The following GPR107 variants were observed in gnomAD, a reference collection of about 807,000 sequenced individuals.
GPR107 encodes the protein G protein-coupled receptor 107.
Under a neutral mutation model 75.5 loss-of-function variants are expected in GPR107, and 31 were observed. The ratio of observed to expected loss-of-function variants is 0.41; its 90% CI spans 0.31 to 0.55. GPR107 has a LOEUF of 0.55. Ranked by LOEUF, GPR107 falls within the 20% of genes least tolerant of loss-of-function variation. The pLI, the probability that GPR107 is intolerant of heterozygous loss-of-function variation, is 0.26. For missense variants in GPR107, 572 were observed against 665.7 expected, an observed-to-expected ratio of 0.86 and a Z score of 1.55; for synonymous variants, 267 against 251.3, an observed-to-expected ratio of 1.06 and a Z score of -0.59.
intron 17 of GPR107, chr9:130,129,678 G>A (rs1042572061): frequency 2.0e-5 from 3 of 152,322 alleles, no homozygotes; most frequent in African/African-American, 7.2e-5. Context: ...CATCAGCTGT[G>A]CCTTTCCCAG....
chr9:130,086,678 A>G (rs1374383496), intron 7 of GPR107, among the ~76,000 whole-genome samples: 2 of 152,158 alleles, frequency 1.3e-5, no homozygotes, highest in African/African-American at 4.8e-5. Context: ...GAAGTCTCTG[A>G]GAGTGAATAA....
intron 5 of GPR107, among the ~76,000 whole-genome samples, chr9:130,080,475 A>ATTTATTTG: frequency 6.7e-6 from 1 of 148,180 alleles, no homozygotes; most frequent in East Asian, 2.0e-4. Context: ...ATTCCTGTTT[A>ATTTATTTG]TTTATTTATT....
intron 16 of GPR107, among the ~76,000 whole-genome samples, chr9:130,128,012 C>G (rs949262066): frequency 6.6e-6 from 1 of 152,206 alleles, no homozygotes; most frequent in Non-Finnish European, 1.5e-5. Flanking sequence ...CTCCTTCCAT[C>G]TCTTCTGGCC....
chr9:130,125,572 A>G (rs1051351244), intron 15 of GPR107, among the ~76,000 whole-genome samples: 19 of 148,114 alleles, frequency 1.3e-4, no homozygotes, highest in African/African-American at 4.7e-4. Context: ...TGTCTTTCAA[A>G]ATGGGAAATT....
chr9:130,134,055 A>T lies in GPR107; in HGVS notation c.1563-970A>T, dbSNP rs551533598. On this transcript the variant is annotated intron_variant, in intron 17 of 17. Coordinates refer to ENST00000347136, the MANE Select transcript of GPR107 (RefSeq NM_020960.5). ...TCCTTGGAAAGAGCCTGTTGAGTTG[A>T]TTGATTGAATTTATTTTACTGATGA... is the stretch of plus-strand genomic sequence containing the variant. Among the ~76,000 whole-genome samples, 3 of 152,180 alleles carry T rather than the reference A, an allele frequency of 2.0e-5. No homozygotes were observed. In the East Asian group the frequency reaches 5.8e-4, roughly 29 times the overall value.
At chr9:130,079,204 C>G (rs2132566770) in intron 4 of GPR107, among the ~76,000 whole-genome samples, 1 of 152,304 alleles carries the variant, frequency 6.6e-6, no homozygotes, top group Non-Finnish European at 1.5e-5. Context: ...CTCAAGTGAT[C>G]CACCCGCCTC....
intron 1 of GPR107, among the ~76,000 whole-genome samples, chr9:130,062,652 G>GCCTT (rs1470600128): frequency 1.7e-4 from 19 of 110,994 alleles, no homozygotes; most frequent in African/African-American, 3.8e-4. Flanking sequence ...CTGCCTGCCT[G>GCCTT]CCTGCCTGCC....
In GPR107 at chr9:130,114,647, A is replaced by G. The variant is rs754323981; in HGVS notation, c.1306+7108A>G. The stretch of plus-strand genomic sequence containing the variant: ...GCTGTCCTCCTGCCTCAGTCTCCCA[A>G]AGGGCTGGGATTACAGGTGTGAGCC... On this transcript the variant is annotated intron_variant, in intron 14 of 17. Coordinates refer to ENST00000347136, the MANE Select transcript of GPR107 (RefSeq NM_020960.5). 5 of 897,896 alleles carry G rather than the reference A, an allele frequency of 5.6e-6. No individual in the cohort carries two copies. The South Asian group carries it at 6.4e-5, about 11-fold the overall frequency. The allele number at this position is 897,896 out of a possible 1,614,324, so 55.6% of individuals were successfully genotyped here. A position where few individuals can be genotyped will look rare whatever the true frequency, so the allele number is the denominator to read the frequency against.
intron 4 of GPR107, 128 bp from the exon 5 acceptor site, chr9:130,079,502 G>A (rs1209962502): frequency 3.0e-6 from 2 of 674,700 alleles, no homozygotes; most frequent in African/African-American, 3.6e-5. Context: ...GTAGAATGTG[G>A]ATAATAGAAT....
intron 14 of GPR107, chr9:130,114,560 T>G: frequency 2.3e-6 from 1 of 441,098 alleles, no homozygotes; most frequent in Non-Finnish European, 4.5e-6. Flanking sequence ...TTTTTAAAAT[T>G]TTTTTTGTGG....
chr9:130,058,191 GAAC>G (rs971901912), intron 1 of GPR107, among the ~76,000 whole-genome samples: 1 of 152,078 alleles, frequency 6.6e-6, no homozygotes, highest in Non-Finnish European at 1.5e-5. Flanking sequence ...TGCCTTTTAA[GAAC>G]AACTTTATTG....
At chr9:130,057,123 A>T (rs1394555132) in intron 1 of GPR107, among the ~76,000 whole-genome samples, 1 of 151,926 alleles carries the variant, frequency 6.6e-6, no homozygotes, top group Non-Finnish European at 1.5e-5. Flanking sequence ...GAAATAGGGT[A>T]CTTGATCAGA....
intron 6 of GPR107, among the ~76,000 whole-genome samples, chr9:130,085,216 T>C (rs1338283133): frequency 1.3e-5 from 2 of 152,106 alleles, no homozygotes; most frequent in African/African-American, 4.8e-5. Flanking sequence ...AAGGACACAG[T>C]TGTGAGAATA....
At chr9:130,101,719 G>A (rs1204317399) in intron 12 of GPR107, among the ~76,000 whole-genome samples, 3 of 152,248 alleles carry the variant, frequency 2.0e-5, no homozygotes, top group Non-Finnish European at 2.9e-5. Context: ...AAGGCTGTGA[G>A]TCTTTTGCGG....
At chr9:130,134,904 G>A in intron 17 of GPR107, 121 bp from the exon 18 acceptor site, 2 of 697,638 alleles carry the variant, frequency 2.9e-6, no homozygotes, top group Admixed American at 4.1e-5. Flanking sequence ...ATCACACTTA[G>A]ATTTTGTCTG....
At chr9:130,069,420 T>G (rs1181790663) in intron 1 of GPR107, among the ~76,000 whole-genome samples, 1 of 152,190 alleles carries the variant, frequency 6.6e-6, no homozygotes, top group Non-Finnish European at 1.5e-5. Flanking sequence ...ATGGAAATGA[T>G]AGGGTGGAAG....
At chr9:130,063,037 C>T (rs1829970157) in intron 1 of GPR107, among the ~76,000 whole-genome samples, 1 of 152,146 alleles carries the variant, frequency 6.6e-6, no homozygotes, top group African/African-American at 2.4e-5. Context: ...ATTTTAATAC[C>T]AATGTCTGGC....
At chr9:130,122,134 A>G (rs1050649488) in intron 14 of GPR107, among the ~76,000 whole-genome samples, 1 of 151,746 alleles carries the variant, frequency 6.6e-6, no homozygotes, top group African/African-American at 2.4e-5. Context: ...CCCGTGATCC[A>G]CCCGCCTCAG....
chr9:130,131,081 T>A (rs1737485725), intron 17 of GPR107, among the ~76,000 whole-genome samples: 1 of 152,172 alleles, frequency 6.6e-6, no homozygotes, highest in African/African-American at 2.4e-5. Flanking sequence ...ATGTTGGCCC[T>A]TCAGCTGTTC....
Sources: allele counts gnomAD v4.1 joint callset (sites outside exome capture counted in the v4.1 genomes callset), GRCh38; gene constraint gnomAD v4.1.1; transcripts MANE v1.5; gene names NCBI Gene and HGNC (gene_info 2026-07-23, HGNC 2026-07-21).